The following SPIRE1 variants were observed in gnomAD, a reference collection of about 807,000 sequenced individuals.
The protein encoded by SPIRE1 is spire type actin nucleation factor 1.
In SPIRE1, 40 loss-of-function variants were observed where a neutral mutation model predicts 94.1. That is an observed-to-expected ratio of 0.43 (90% CI 0.33 to 0.55). The LOEUF is 0.55. SPIRE1 is among the 20% of genes least tolerant of loss of function. The probability of loss-of-function intolerance (pLI) is 0.06; values close to 1 mark genes in which losing one functional copy is unlikely to be tolerated. For synonymous variants in SPIRE1, 376 were observed against 371.7 expected (o/e 1.01, Z -0.13); for missense variants, 838 against 975.2 (o/e 0.86, Z 1.87).
At chr18:12,597,423 C>T (rs1036588722) in intron 2 of SPIRE1, among the ~76,000 whole-genome samples, 1 of 152,026 alleles carries the variant, frequency 6.6e-6, no homozygotes, top group Non-Finnish European at 1.5e-5. Context: ...GGGCAAGCAT[C>T]GAAGAGGCCA....
chr18:12,659,512 C>G (rs1248529926), upstream of SPIRE1, among the ~76,000 whole-genome samples: 1 of 151,970 alleles, frequency 6.6e-6, no homozygotes, highest in Non-Finnish European at 1.5e-5. Context: ...ACTAAAAATA[C>G]AAAGAAAATT....
chr18:12,452,357 G>A lies in SPIRE1; in HGVS notation c.1910C>T (p.Pro637Leu). ...RLPSKPYSTLPIFSLGPSALQ... is the reference protein window; with the variant it reads ...RLPSKPYSTLLIFSLGPSALQ... Reference sequence around the variant, plus strand: ...AGCAGAAGGTCCCAATGAAAAGATAGGAAGAGTGGAGTATGGTTTGGAGGG... The same window carrying A: ...AGCAGAAGGTCCCAATGAAAAGATAAGAAGAGTGGAGTATGGTTTGGAGGG... The change falls in exon 16 of 17, where the codon CCT (proline) becomes CTT (leucine). Residue 637 changes from proline to leucine, a missense_variant. Physicochemically the swap from Pro to Leu is moderately conservative, Grantham distance 98. Coordinates refer to ENST00000409402, the MANE Select transcript of SPIRE1 (RefSeq NM_001128626.2). 6.2e-7 allele frequency: 1 copy of A among 1,614,044 alleles called. No individual in the cohort carries two copies. Among genetic ancestry groups the A allele is most frequent in the Non-Finnish European group, 8.5e-7 (1 of 1,179,962 alleles).
chr18:12,624,864 C>T (rs958231308), intron 2 of SPIRE1, among the ~76,000 whole-genome samples: 1 of 151,084 alleles, frequency 6.6e-6, no homozygotes, highest in African/African-American at 2.4e-5. Flanking sequence ...AAAATATTTA[C>T]TCCCAGATAA....
chr18:12,588,096 T>C (rs2036436810), intron 2 of SPIRE1, among the ~76,000 whole-genome samples: 1 of 152,184 alleles, frequency 6.6e-6, no homozygotes, highest in African/African-American at 2.4e-5. Context: ...TAACATGTGG[T>C]CTTTTGTGAA....
chr18:12,576,581 CAAAAAA>C (rs762895518), intron 2 of SPIRE1, among the ~76,000 whole-genome samples: 3 of 31,012 alleles, frequency 9.7e-5, no homozygotes, highest in Non-Finnish European at 1.2e-4. Flanking sequence ...GACTCCATCT[CAAAAAA>C]AAAAAAAAAA....
intron 1 of SPIRE1, among the ~76,000 whole-genome samples, chr18:12,644,668 T>C (rs2038175091): frequency 6.6e-6 from 1 of 152,230 alleles, no homozygotes; most frequent in Non-Finnish European, 1.5e-5. Flanking sequence ...AAAGGTCTAA[T>C]CACATGGACA....
intron 2 of SPIRE1, among the ~76,000 whole-genome samples, chr18:12,634,796 G>A (rs987929528): frequency 6.6e-5 from 10 of 152,082 alleles, no homozygotes; most frequent in African/African-American, 2.2e-4. Flanking sequence ...TTAGCTGAGC[G>A]TGGTGGTGGG....
At chr18:12,511,574 T>A (rs1174823402) in intron 5 of SPIRE1, among the ~76,000 whole-genome samples, 4 of 152,198 alleles carry the variant, frequency 2.6e-5, no homozygotes, top group Non-Finnish European at 4.4e-5. Flanking sequence ...AATATTAATA[T>A]TTTAAAACAC....
At chr18:12,615,345 A>AAAAAATATATATAT in intron 2 of SPIRE1, among the ~76,000 whole-genome samples, 5 of 17,242 alleles carry the variant, frequency 2.9e-4, no homozygotes, top group Non-Finnish European at 7.4e-4. Context: ...AAAAAAAAAA[A>AAAAAATATATATAT]ATATATATAT....
chr18:12,548,623 T>G (rs1470134625), intron 2 of SPIRE1, among the ~76,000 whole-genome samples: 4 of 151,342 alleles, frequency 2.6e-5, no homozygotes, highest in African/African-American at 9.7e-5. Context: ...TTTTTTCTTC[T>G]TCTTTTGAGA....
At chr18:12,644,864 C>T (rs1255403775) in intron 1 of SPIRE1, among the ~76,000 whole-genome samples, 2 of 152,110 alleles carry the variant, frequency 1.3e-5, no homozygotes, top group East Asian at 1.9e-4. Flanking sequence ...TAACAAAATG[C>T]CCCCACATAT....
chr18:12,640,585 C>G (rs1280741004), intron 1 of SPIRE1, among the ~76,000 whole-genome samples: 3 of 152,140 alleles, frequency 2.0e-5, no homozygotes, highest in Admixed American at 6.6e-5. Context: ...AAACAGAACT[C>G]GTGATAAATG....
At chr18:12,504,577 T>C (rs1317449505) in intron 6 of SPIRE1, among the ~76,000 whole-genome samples, 1 of 152,202 alleles carries the variant, frequency 6.6e-6, no homozygotes, top group Non-Finnish European at 1.5e-5. Context: ...TTTGATTAAA[T>C]TTCCTCAAAA....
At chr18:12,526,056 T>TACACACACAC (rs56263373) in intron 4 of SPIRE1, among the ~76,000 whole-genome samples, 1,540 of 122,672 alleles carry the variant, frequency 0.013, 47 homozygotes, top group African/African-American at 0.042. Flanking sequence ...ATACTGAAGA[T>TACACACACAC]ACACACACAC....
At chr18:12,461,571 GTACATACATATGTATA>G (rs2031855069) in intron 12 of SPIRE1, among the ~76,000 whole-genome samples, 1 of 61,474 alleles carries the variant, frequency 1.6e-5, no homozygotes, top group Admixed American at 1.4e-4. Flanking sequence ...GTATATGTAT[GTACATACATATGTATA>G]TACATACATA....
At chr18:12,466,452 T>C (rs1400927210) in intron 10 of SPIRE1, among the ~76,000 whole-genome samples, 2 of 152,020 alleles carry the variant, frequency 1.3e-5, no homozygotes, top group African/African-American at 2.4e-5. Context: ...AATTTTTGTA[T>C]TTTTTTGTGT....
At position 12,464,967 on chromosome 18, in the gene SPIRE1, A is replaced by G; in HGVS notation, c.1405-9T>C. 1 of 1,613,052 alleles carries G rather than the reference A, an allele frequency of 6.2e-7. No homozygotes were observed. Among genetic ancestry groups the G allele is most frequent in the Non-Finnish European group, 8.5e-7 (1 of 1,179,370 alleles). On this transcript the variant is annotated splice_polypyrimidine_tract_variant and intron_variant, in intron 10 of 16. Transcript: ENST00000409402. The stretch of plus-strand genomic sequence containing the variant: ...TTGTGCAGCGTTTCTTCCTGAGCAA[A>G]GTACAGGTGGAGAAATCGACTTCTT...
chr18:12,622,007 G>A (rs1030156977), intron 2 of SPIRE1, among the ~76,000 whole-genome samples: 1 of 152,022 alleles, frequency 6.6e-6, no homozygotes, highest in Non-Finnish European at 1.5e-5. Flanking sequence ...AGAATATGTC[G>A]AGACACCATA....
At chr18:12,537,242 A>C (rs1453251851) in intron 3 of SPIRE1, among the ~76,000 whole-genome samples, 1 of 152,208 alleles carries the variant, frequency 6.6e-6, no homozygotes, top group East Asian at 1.9e-4. Context: ...TTATTTTTAT[A>C]TTTAGAAAAC....
Sources: allele counts gnomAD v4.1 joint callset (sites outside exome capture counted in the v4.1 genomes callset), GRCh38; gene constraint gnomAD v4.1.1; transcripts MANE v1.5; gene names NCBI Gene and HGNC (gene_info 2026-07-23, HGNC 2026-07-21).